ZEB1: variants seen among roughly 807,000 people sequenced by gnomAD.
The protein encoded by ZEB1 is zinc finger E-box binding homeobox 1.
Under a neutral mutation model 84.9 loss-of-function variants are expected in ZEB1, and 21 were observed. The ratio of observed to expected loss-of-function variants is 0.25; its 90% CI spans 0.18 to 0.36. The LOEUF (loss-of-function observed/expected upper bound fraction) is 0.36, where lower values mean the gene tolerates loss of function less well. Ranked by LOEUF, ZEB1 falls within the 10% of genes least tolerant of loss-of-function variation. The pLI, the probability that ZEB1 is intolerant of heterozygous loss-of-function variation, is 1.00. For missense variants in ZEB1, 1,104 were observed against 1,330.2 expected, an observed-to-expected ratio of 0.83 and a Z score of 2.65; for synonymous variants, 420 against 471.1, an observed-to-expected ratio of 0.89 and a Z score of 1.41.
intron 2 of ZEB1, among the ~76,000 whole-genome samples, chr10:31,477,849 TAA>T (rs1284690493): frequency 6.6e-6 from 1 of 151,816 alleles, no homozygotes. Context: ...CTCATCATAT[TAA>T]AAAATTAACT....
upstream of ZEB1, chr10:31,319,117 G>A (rs1372201516): frequency 1.5e-5 from 11 of 726,738 alleles, 1 homozygote; most frequent in South Asian, 1.6e-4. Flanking sequence ...CGTAAAGCCG[G>A]GAGTGTCGTA....
intron 1 of ZEB1, among the ~76,000 whole-genome samples, chr10:31,340,572 A>G (rs952483675): frequency 6.7e-6 from 1 of 150,008 alleles, no homozygotes; most frequent in African/African-American, 2.5e-5. Flanking sequence ...TGATGTTACA[A>G]ACATGTGATG....
chr10:31,319,880 C>T (rs1398573028), intron 1 of ZEB1: 1 of 144,316 alleles, frequency 6.9e-6, no homozygotes, highest in Admixed American at 6.8e-5. Flanking sequence ...GGGCTGTGGG[C>T]GCGCGGCAGG....
intron 1 of ZEB1, among the ~76,000 whole-genome samples, chr10:31,334,471 T>G (rs576362951): frequency 9.7e-4 from 147 of 152,184 alleles, no homozygotes; most frequent in Admixed American, 2.9e-3. Context: ...AAATGGGAAT[T>G]TATAGATTTT....
intron 1 of ZEB1, among the ~76,000 whole-genome samples, chr10:31,410,950 G>C (rs1410249902): frequency 1.3e-5 from 2 of 152,052 alleles, no homozygotes; most frequent in Non-Finnish European, 2.9e-5. Context: ...ACCAGCTTCT[G>C]GATTCATTGA....
chr10:31,394,450 C>T (rs2050330220), intron 1 of ZEB1, among the ~76,000 whole-genome samples: 1 of 152,116 alleles, frequency 6.6e-6, no homozygotes. Flanking sequence ...TGAATTTTCA[C>T]AGACTTAGCA....
intron 1 of ZEB1, among the ~76,000 whole-genome samples, chr10:31,341,436 A>G (rs931381158): frequency 1.3e-5 from 2 of 152,196 alleles, no homozygotes; most frequent in African/African-American, 2.4e-5. Flanking sequence ...TAGCGATGAC[A>G]CCAAACAGAG....
At chr10:31,495,465 C>T (rs1307101844) in intron 2 of ZEB1, among the ~76,000 whole-genome samples, 2 of 151,878 alleles carry the variant, frequency 1.3e-5, no homozygotes, top group Non-Finnish European at 2.9e-5. Context: ...CTTTAAACAG[C>T]TTTACTTTTC....
chr10:31,320,044 G>C (rs1432912328), intron 1 of ZEB1: 1 of 151,442 alleles, frequency 6.6e-6, no homozygotes, highest in African/African-American at 2.4e-5. Context: ...TCGCGTAACG[G>C]GGATTAGAGG....
In ZEB1 at chr10:31,449,233, C is replaced by T. The variant is rs144263502; in HGVS notation, c.59-11804C>T. Among the ~76,000 whole-genome samples, 956 of 152,352 alleles carry T rather than the reference C, an allele frequency of 6.3e-3. 8 individuals are homozygous for T. The highest frequency in any genetic ancestry group is 0.022 in the African/African-American group (911 of 41,588). On this transcript the variant is annotated intron_variant, in intron 1 of 8. Coordinates refer to ENST00000424869, the MANE Select transcript of ZEB1 (RefSeq NM_001174096.2). Reference sequence around the variant, plus strand: ...GGAAAGGGAACTCCCTGACCCCTTGCGCTTCCCAGGTGAGGCAATGCCTCG... The same window carrying T: ...GGAAAGGGAACTCCCTGACCCCTTGTGCTTCCCAGGTGAGGCAATGCCTCG...
intron 1 of ZEB1, among the ~76,000 whole-genome samples, chr10:31,378,820 G>T (rs941785998): frequency 6.6e-5 from 10 of 151,958 alleles, no homozygotes; most frequent in African/African-American, 2.4e-4. Context: ...TATAAGAGGG[G>T]ATACATGATA....
intron 3 of ZEB1, among the ~76,000 whole-genome samples, chr10:31,497,924 A>AATAGATAGATAG (rs145458133): frequency 0.043 from 6,182 of 145,410 alleles, 146 homozygotes; most frequent in East Asian, 0.066. Flanking sequence ...AGGATGGAAA[A>AATAGATAGATAG]ATAGATAGAT....
chr10:31,457,729 A>T (rs571081715), intron 1 of ZEB1, among the ~76,000 whole-genome samples: 1 of 152,132 alleles, frequency 6.6e-6, no homozygotes, highest in African/African-American at 2.4e-5. Flanking sequence ...TGACTTGGGC[A>T]GAATAGAACA....
chr10:31,473,272 C>T (rs1304018102), intron 2 of ZEB1, among the ~76,000 whole-genome samples: 2 of 148,828 alleles, frequency 1.3e-5, no homozygotes, highest in Admixed American at 6.7e-5. Context: ...TCAAATTGTC[C>T]CTGTTTGCAG....
intron 1 of ZEB1, among the ~76,000 whole-genome samples, chr10:31,344,106 A>G (rs2039876565): frequency 6.6e-6 from 1 of 152,126 alleles, no homozygotes; most frequent in Non-Finnish European, 1.5e-5. Context: ...AATGCAGAGC[A>G]GACTAGATGG....
chr10:31,464,756 G>T (rs2062196424), intron 2 of ZEB1, among the ~76,000 whole-genome samples: 2 of 152,138 alleles, frequency 1.3e-5, no homozygotes, highest in South Asian at 4.1e-4. Flanking sequence ...AAACACTGCT[G>T]ACCAAGCATA....
At chr10:31,319,000 C>T (rs1300723113), upstream of ZEB1, 12 of 585,414 alleles carry the variant, frequency 2.0e-5, no homozygotes, top group Non-Finnish European at 3.7e-5. Context: ...TTCCCTCGCC[C>T]CTCAATTCAA....
At chr10:31,329,961 A>G (rs541283059) in intron 1 of ZEB1, among the ~76,000 whole-genome samples, 4 of 152,282 alleles carry the variant, frequency 2.6e-5, no homozygotes, top group South Asian at 4.1e-4. Flanking sequence ...TTTGTTGGAT[A>G]CAAGTATTAA....
chr10:31,462,657 T>A (rs1389220543), intron 2 of ZEB1, among the ~76,000 whole-genome samples: 1 of 151,940 alleles, frequency 6.6e-6, no homozygotes, highest in Admixed American at 6.6e-5. Flanking sequence ...GAAAATGAGA[T>A]CAGAGAAGTA....
Sources: gnomAD v4.1 joint callset for allele counts (sites outside exome capture counted in the v4.1 genomes callset) on GRCh38, gnomAD v4.1.1 for gene constraint, MANE v1.5 for transcripts, NCBI Gene and HGNC (gene_info 2026-07-23, HGNC 2026-07-21) for gene names.